ERC2: variants seen among roughly 807,000 people sequenced by gnomAD.
ERC2 encodes the protein ERC protein 2.
A neutral mutation model predicts 114.8 loss-of-function variants in ERC2; 42 were observed. That is an observed-to-expected ratio of 0.37 (90% CI 0.29 to 0.47). ERC2 has a LOEUF of 0.47. Among genes scored for constraint, ERC2 ranks in the 20% least tolerant of loss-of-function variants. The probability of loss-of-function intolerance (pLI) is 0.99; values close to 1 mark genes in which losing one functional copy is unlikely to be tolerated. For synonymous variants in ERC2, 454 were observed against 425.5 expected (o/e 1.07, Z -0.82); for missense variants, 939 against 1,150.7 (o/e 0.82, Z 2.66).
intron 7 of ERC2, among the ~76,000 whole-genome samples, chr3:56,043,175 T>A (rs2075284800): frequency 2.6e-5 from 4 of 152,198 alleles, no homozygotes; most frequent in Admixed American, 6.5e-5. Context: ...AAAGAAGATT[T>A]ATTTTTGTTT....
intron 6 of ERC2, among the ~76,000 whole-genome samples, chr3:56,108,332 G>A (rs1015111231): frequency 6.6e-6 from 1 of 152,026 alleles, no homozygotes; most frequent in Non-Finnish European, 1.5e-5. Flanking sequence ...AATATTTAAT[G>A]TTTTGAAGTT....
chr3:56,213,000 T>C (rs2049174874), intron 3 of ERC2, among the ~76,000 whole-genome samples: 1 of 152,088 alleles, frequency 6.6e-6, no homozygotes, highest in African/African-American at 2.4e-5. Context: ...GGCATAAGAA[T>C]ATACAATAGA....
chr3:55,775,583 A>AATAAATAT lies in ERC2; in HGVS notation c.2565-40666_2565-40665insATATTTAT, dbSNP rs879937090. On this transcript the variant is annotated intron_variant, in intron 14 of 17. Coordinates refer to ENST00000288221, the MANE Select transcript of ERC2 (RefSeq NM_015576.3). The stretch of plus-strand genomic sequence containing the variant: ...AAATAAATAAATAAATAAATAAATA[A>AATAAATAT]AAAAGGAAAAAGTGAGACAGACAGA... 2.0e-5 allele frequency among the ~76,000 whole-genome samples: 3 copies of AATAAATAT among 148,684 alleles called. 1 individual carries two copies. In the South Asian group the frequency reaches 6.3e-4, roughly 31 times the overall value.
intron 15 of ERC2, among the ~76,000 whole-genome samples, chr3:55,704,545 G>C (rs2643619): frequency 6.6e-6 from 1 of 152,124 alleles, no homozygotes; most frequent in East Asian, 1.9e-4. Context: ...CACCTAATCA[G>C]AGCAAGGTGA....
At chr3:55,830,717 G>A (rs2060530506) in intron 14 of ERC2, among the ~76,000 whole-genome samples, 2 of 152,160 alleles carry the variant, frequency 1.3e-5, no homozygotes, top group African/African-American at 4.8e-5. Context: ...TCTGAGGTGG[G>A]AGGATGACTT....
At chr3:56,006,990 G>A (rs1400661667) in intron 10 of ERC2, among the ~76,000 whole-genome samples, 191 bp downstream of exon 10, 2 of 151,990 alleles carry the variant, frequency 1.3e-5, no homozygotes, top group African/African-American at 2.4e-5. Context: ...GGAAATCTGA[G>A]ATAATTTTTC....
intron 2 of ERC2, among the ~76,000 whole-genome samples, chr3:56,408,218 A>T (rs982403274): frequency 6.6e-6 from 1 of 152,162 alleles, no homozygotes; most frequent in Non-Finnish European, 1.5e-5. Context: ...AAACGTGTGG[A>T]GTTGCCTTCC....
chr3:56,110,469 A>G (rs1387153476), intron 6 of ERC2, among the ~76,000 whole-genome samples: 1 of 152,218 alleles, frequency 6.6e-6, no homozygotes, highest in African/African-American at 2.4e-5. Flanking sequence ...TTATAACTAC[A>G]TGGGCACAAG....
chr3:56,442,860 G>A (rs1180325575), intron 1 of ERC2, among the ~76,000 whole-genome samples: 1 of 152,204 alleles, frequency 6.6e-6, no homozygotes, highest in Admixed American at 6.5e-5. Context: ...GGCAGTGATT[G>A]AGACAGACGC....
chr3:56,439,317 T>C (rs2062178341), intron 1 of ERC2, among the ~76,000 whole-genome samples: 1 of 152,190 alleles, frequency 6.6e-6, no homozygotes, highest in Non-Finnish European at 1.5e-5. Context: ...TGGTGTCATG[T>C]GCCTGCAGTC....
intron 3 of ERC2, among the ~76,000 whole-genome samples, chr3:56,280,604 G>A (rs1277900947): frequency 1.3e-5 from 2 of 152,122 alleles, no homozygotes; most frequent in African/African-American, 4.8e-5. Context: ...TATGGTGCTG[G>A]TGCTCAAGAG....
intron 15 of ERC2, among the ~76,000 whole-genome samples, chr3:55,710,527 T>G (rs929446740): frequency 6.6e-6 from 1 of 152,096 alleles, no homozygotes; most frequent in African/African-American, 2.4e-5. Flanking sequence ...ATTCATTGAA[T>G]GGGTACATTT....
At chr3:55,592,701 G>A (rs1175667751) in intron 17 of ERC2, among the ~76,000 whole-genome samples, 3 of 152,088 alleles carry the variant, frequency 2.0e-5, no homozygotes, top group Non-Finnish European at 4.4e-5. Flanking sequence ...ATTACTGAAG[G>A]GAAAGGAGCT....
intron 13 of ERC2, among the ~76,000 whole-genome samples, chr3:55,904,649 A>T (rs1199186701): frequency 6.6e-6 from 1 of 152,190 alleles, no homozygotes; most frequent in African/African-American, 2.4e-5. Flanking sequence ...ACATGTTCTC[A>T]TCTGGATGAG....
intron 2 of ERC2, among the ~76,000 whole-genome samples, chr3:56,358,297 T>A (rs970980725): frequency 2.0e-5 from 3 of 152,198 alleles, no homozygotes; most frequent in Admixed American, 2.0e-4. Context: ...CTCTTATATA[T>A]TTTATTTTTA....
intron 12 of ERC2, among the ~76,000 whole-genome samples, chr3:55,952,173 ACACACAC>A (rs1401167731): frequency 0.017 from 956 of 55,800 alleles, 74 homozygotes; most frequent in South Asian, 0.038. Flanking sequence ...ACACACACAC[ACACACAC>A]TCTCTCTCTC....
chr3:55,945,105 C>A (rs1384831339), intron 13 of ERC2, among the ~76,000 whole-genome samples: 1 of 152,152 alleles, frequency 6.6e-6, no homozygotes, highest in Non-Finnish European at 1.5e-5. Context: ...ATGTTAAATT[C>A]TAATAAAAAT....
chr3:55,720,084 T>TCCCCTCCCCC lies in ERC2; in HGVS notation c.2712+14686_2712+14687insGGGGGAGGGG, dbSNP rs1491553106. On this transcript the variant is annotated intron_variant, in intron 15 of 17. Transcript: ENST00000288221. Reference sequence around the variant, plus strand: ...CCTCCCCTCTTCTCTCCCCTCCCCCTTCCCCTCCCCCTCCCATCCCCCTCC... The same window carrying TCCCCTCCCCC: ...CCTCCCCTCTTCTCTCCCCTCCCCCTCCCCTCCCCCTCCCCTCCCCCTCCCATCCCCCTCC... Among the ~76,000 whole-genome samples the TCCCCTCCCCC allele has an allele frequency of 3.7e-3, 50 of 13,574 alleles. 1 individual carries two copies. Among genetic ancestry groups the TCCCCTCCCCC allele is most frequent in the East Asian group, 7.0e-3 (2 of 286 alleles). The allele number at this position is 13,574 out of a possible 152,430, so 8.9% of individuals were successfully genotyped here.
intron 3 of ERC2, among the ~76,000 whole-genome samples, chr3:56,239,574 C>A (rs1333848317): frequency 6.6e-6 from 1 of 152,060 alleles, no homozygotes; most frequent in East Asian, 1.9e-4. Flanking sequence ...CAGATAAAGA[C>A]TAGAAACACT....
Sources: allele counts gnomAD v4.1 joint callset (sites outside exome capture counted in the v4.1 genomes callset), GRCh38; gene constraint gnomAD v4.1.1; transcripts MANE v1.5; gene names NCBI Gene and HGNC (gene_info 2026-07-23, HGNC 2026-07-21).